IL17B: variants seen among roughly 807,000 people sequenced by gnomAD.
IL17B encodes the protein interleukin 17B.
A neutral mutation model predicts 14.7 loss-of-function variants in IL17B; 14 were observed. The ratio of observed to expected loss-of-function variants is 0.95; its 90% confidence interval spans 0.63 to 1.49. IL17B has a LOEUF of 1.49. Ranked by LOEUF, IL17B falls within the 40% of genes most tolerant of loss-of-function variation. The pLI, the probability that IL17B is intolerant of heterozygous loss-of-function variation, is 0.00. For synonymous variants in IL17B, 105 were observed against 94.8 expected, an observed-to-expected ratio of 1.11 and a Z score of -0.62; for missense variants, 233 against 252.8, an observed-to-expected ratio of 0.92 and a Z score of 0.53.
At chr5:149,388,856 T>G (rs1384801048) in intron 1 of IL17B, among the ~76,000 whole-genome samples, 1 of 152,220 alleles carries the variant, frequency 6.6e-6, no homozygotes, top group Non-Finnish European at 1.5e-5. Context: ...AAAATCAGGT[T>G]CTGGAGTCTC....
intron 2 of IL17B, among the ~76,000 whole-genome samples, chr5:149,376,215 C>A (rs915723302): frequency 6.6e-6 from 1 of 152,192 alleles, no homozygotes; most frequent in African/African-American, 2.4e-5. Flanking sequence ...ATTCCCAAAT[C>A]GCAGCCTGCT....
chr5:149,403,022 A>C (rs897785995), intron 1 of IL17B, among the ~76,000 whole-genome samples: 1 of 151,576 alleles, frequency 6.6e-6, no homozygotes, highest in East Asian at 1.9e-4. Context: ...AAAAAAAAAA[A>C]AAACTCAATA....
chr5:149,387,449 T>C (rs1012305754), intron 1 of IL17B, among the ~76,000 whole-genome samples: 1 of 152,166 alleles, frequency 6.6e-6, no homozygotes, highest in Non-Finnish European at 1.5e-5. Context: ...GTAAAAGGGT[T>C]ACCCCTGAAG....
upstream of IL17B, among the ~76,000 whole-genome samples, chr5:149,381,233 G>A (rs1332205320): frequency 6.6e-6 from 1 of 152,218 alleles, no homozygotes; most frequent in African/African-American, 2.4e-5. Flanking sequence ...CCCAAGCCAG[G>A]ACTGACTTGT....
At chr5:149,397,754 A>G (rs1759120503) in intron 1 of IL17B, among the ~76,000 whole-genome samples, 1 of 152,146 alleles carries the variant, frequency 6.6e-6, no homozygotes, top group African/African-American at 2.4e-5. Context: ...TACAAGCTGG[A>G]GACCCTGGGA....
intron 1 of IL17B, among the ~76,000 whole-genome samples, chr5:149,390,950 T>C (rs1236777955): frequency 6.6e-6 from 1 of 151,762 alleles, no homozygotes; most frequent in Non-Finnish European, 1.5e-5. Context: ...AGGATTTTGG[T>C]TTTTTGTGGG....
At chr5:149,390,039 C>T (rs1758905893) in intron 1 of IL17B, among the ~76,000 whole-genome samples, 1 of 152,110 alleles carries the variant, frequency 6.6e-6, no homozygotes, top group Admixed American at 6.6e-5. Context: ...TTCCCTAGTC[C>T]CACTAACCGA....
chr5:149,381,305 G>A (rs562036591), upstream of IL17B, among the ~76,000 whole-genome samples: 2 of 152,202 alleles, frequency 1.3e-5, no homozygotes, highest in Non-Finnish European at 2.9e-5. Context: ...CAGCCCCAGA[G>A]ATGCTGAAGT....
chr5:149,387,300 A>G (rs750697321), intron 1 of IL17B, among the ~76,000 whole-genome samples: 2 of 152,186 alleles, frequency 1.3e-5, no homozygotes, highest in Non-Finnish European at 2.9e-5. Context: ...GAATCTGACC[A>G]TTTCCAAAGT....
At chr5:149,397,682 GATTT>G (rs1007537143) in intron 1 of IL17B, among the ~76,000 whole-genome samples, 1 of 152,154 alleles carries the variant, frequency 6.6e-6, no homozygotes, top group Non-Finnish European at 1.5e-5. Context: ...ATATATGAGA[GATTT>G]ATTAGGCGGA....
chr5:149,388,622 A>G (rs116278436), intron 1 of IL17B, among the ~76,000 whole-genome samples: 2,344 of 152,336 alleles, frequency 0.015, 66 homozygotes, highest in African/African-American at 0.05. Context: ...CGGTCAGTAT[A>G]GGCCAAGTTG....
At chr5:149,376,591 G>A (rs1310705010) in intron 2 of IL17B, 145 bp downstream of exon 2, 4 of 1,051,158 alleles carry the variant, frequency 3.8e-6, no homozygotes, top group Admixed American at 3.0e-5. Context: ...TTTGCCCAAA[G>A]CCTCACAGGC....
intron 1 of IL17B, among the ~76,000 whole-genome samples, chr5:149,396,909 G>GT (rs1458843449): frequency 6.6e-6 from 1 of 152,126 alleles, no homozygotes; most frequent in Non-Finnish European, 1.5e-5. Context: ...GACGAAGGGC[G>GT]TTTTTTTAAG....
At chr5:149,392,097 G>A (rs573167598) in intron 1 of IL17B, among the ~76,000 whole-genome samples, 45 of 152,344 alleles carry the variant, frequency 3.0e-4, no homozygotes, top group African/African-American at 9.4e-4. Context: ...GGTGGGTAAC[G>A]GGATAGAGTA....
At chr5:149,401,475 C>T (rs1055921137) in intron 1 of IL17B, among the ~76,000 whole-genome samples, 20 of 152,258 alleles carry the variant, frequency 1.3e-4, no homozygotes, top group East Asian at 3.9e-4. Context: ...GAGGCTGAGG[C>T]GGGTGGATCA....
At chr5:149,379,559 C>T (rs1364765420), upstream of IL17B, among the ~76,000 whole-genome samples, 1 of 152,218 alleles carries the variant, frequency 6.6e-6, no homozygotes, top group East Asian at 1.9e-4. Context: ...GCCCAGCCAG[C>T]ACCCACAGGG....
intron 1 of IL17B, among the ~76,000 whole-genome samples, chr5:149,401,120 G>A (rs985639312): frequency 4.3e-4 from 66 of 152,352 alleles, no homozygotes; most frequent in Admixed American, 2.6e-3. Flanking sequence ...GATGGCAGTA[G>A]AGGTAGCATC....
chr5:149,398,258 A>G (rs1287600931), intron 1 of IL17B, among the ~76,000 whole-genome samples: 1 of 152,224 alleles, frequency 6.6e-6, no homozygotes, highest in East Asian at 1.9e-4. Flanking sequence ...TTTAGATATT[A>G]GAGATTTAGA....
intron 1 of IL17B, among the ~76,000 whole-genome samples, chr5:149,378,490 G>A (rs1343691264): frequency 6.6e-6 from 1 of 152,216 alleles, no homozygotes; most frequent in Non-Finnish European, 1.5e-5. Flanking sequence ...GAGCTCCCAG[G>A]ATGGAGGCAC....
Sources: allele counts gnomAD v4.1 joint callset (sites outside exome capture counted in the v4.1 genomes callset), GRCh38; gene constraint gnomAD v4.1.1; transcripts MANE v1.5; gene names NCBI Gene and HGNC (gene_info 2026-07-23, HGNC 2026-07-21).